Variants in SORCS2 observed in about 807,000 individuals in gnomAD.
SORCS2 encodes the protein VPS10 domain-containing receptor SorCS2.
SORCS2 carries 100 observed loss-of-function variants against 141.6 expected under a neutral mutation model. The observed-to-expected ratio is 0.71, with a 90% CI of 0.60 to 0.83. The LOEUF is 0.83. SORCS2 is among the 40% of genes least tolerant of loss of function. The probability of loss-of-function intolerance (pLI) is 0.00; values close to 1 mark genes in which losing one functional copy is unlikely to be tolerated. For missense variants in SORCS2, 1,646 were observed against 1,560.2 expected (o/e 1.05, Z -0.93); for synonymous variants, 789 against 676.9 (o/e 1.17, Z -2.57).
chr4:7,256,343 G>A (rs1469920240), intron 1 of SORCS2, among the ~76,000 whole-genome samples: 2 of 152,150 alleles, frequency 1.3e-5, no homozygotes, highest in Non-Finnish European at 2.9e-5. Flanking sequence ...TGTATTGTAG[G>A]GGGCTTTCCT....
chr4:7,598,046 G>A (rs1461103026), intron 3 of SORCS2, among the ~76,000 whole-genome samples: 2 of 148,098 alleles, frequency 1.4e-5, no homozygotes, highest in Non-Finnish European at 3.0e-5. Context: ...TTGGCTCACT[G>A]CAACCTCTGT....
intron 2 of SORCS2, among the ~76,000 whole-genome samples, chr4:7,473,854 G>T (rs758902116): frequency 2.0e-5 from 3 of 152,156 alleles, no homozygotes; most frequent in Non-Finnish European, 4.4e-5. Flanking sequence ...GCGGGGTCTG[G>T]GGGGAGAGGG....
intron 1 of SORCS2, among the ~76,000 whole-genome samples, chr4:7,228,251 T>C (rs1457584814): frequency 2.6e-5 from 4 of 151,852 alleles, no homozygotes; most frequent in Non-Finnish European, 4.4e-5. Context: ...ACCAGTCACG[T>C]TGGGTCAGGG....
intron 26 of SORCS2, among the ~76,000 whole-genome samples, chr4:7,737,918 G>C (rs1346891421): frequency 6.6e-6 from 1 of 152,196 alleles, no homozygotes; most frequent in Non-Finnish European, 1.5e-5. Flanking sequence ...CCCCTCACCT[G>C]GACCATCGAC....
chr4:7,725,067 G>A (rs1187985085), intron 19 of SORCS2, 87 bp from the exon 20 acceptor site: 2 of 1,426,448 alleles, frequency 1.4e-6, no homozygotes, highest in African/African-American at 3.0e-5. Flanking sequence ...TAGCAATGAA[G>A]TTGCTGGTGA....
At chr4:7,238,385 A>AT (rs916572295) in intron 1 of SORCS2, among the ~76,000 whole-genome samples, 1 of 151,988 alleles carries the variant, frequency 6.6e-6, no homozygotes, top group Non-Finnish European at 1.5e-5. Context: ...CTGTTGTTAA[A>AT]TTTTTTTTAA....
chr4:7,297,424 C>T (rs1351677687), intron 1 of SORCS2, among the ~76,000 whole-genome samples: 4 of 152,030 alleles, frequency 2.6e-5, no homozygotes, highest in African/African-American at 9.7e-5. Context: ...CCCCCACCCC[C>T]ACCCCAGGGA....
intron 2 of SORCS2, among the ~76,000 whole-genome samples, chr4:7,487,855 A>C (rs1484797020): frequency 6.6e-6 from 1 of 152,120 alleles, no homozygotes; most frequent in Non-Finnish European, 1.5e-5. Flanking sequence ...CACTGTGAAC[A>C]GTATTATTTC....
In SORCS2 at chr4:7,648,756, G is replaced by T. The variant is rs1721247980; in HGVS notation, c.814-5378G>T. Among the ~76,000 whole-genome samples the T allele has an allele frequency of 6.6e-6, 1 of 152,108 alleles. No homozygotes were observed. Among genetic ancestry groups the T allele is most frequent in the African/African-American group, 2.4e-5 (1 of 41,416 alleles). ...AAGAGAGGCTAGAAACCAGGGACAG[G>T]CACCAGGGCGGCCCCGGGGAGCAAT... On this transcript the variant is annotated intron_variant, in intron 4 of 26. Coordinates refer to ENST00000507866, the MANE Select transcript of SORCS2 (RefSeq NM_020777.3). This position sits in a 1 kb window ranked among gnomAD's most constrained non-coding sequence, Gnocchi z 4.2.
At chr4:7,649,114 G>A (rs1560455080) in intron 4 of SORCS2, among the ~76,000 whole-genome samples, 2 of 152,194 alleles carry the variant, frequency 1.3e-5, no homozygotes, top group Non-Finnish European at 2.9e-5. Context: ...CAGGGGCAGG[G>A]CCTCTGAGCC....
chr4:7,274,437 C>A (rs1715352987), intron 1 of SORCS2, among the ~76,000 whole-genome samples: 1 of 152,130 alleles, frequency 6.6e-6, no homozygotes, highest in Non-Finnish European at 1.5e-5. Context: ...TGATGCCGGG[C>A]ATCTGCTTGG....
Position 7,697,203 on chromosome 4 carries a change from C to A in SORCS2, c.1597C>A (p.Leu533Met). ...APGLIMGAGN[L>M]GSQLVEYKEE... ...CCCCTTTTCTTTTGGACCAGGTAAC[C>A]TGGGCTCACAGCTGGTGGAATATAA... Residue 533 changes from leucine to methionine, a missense_variant, in exon 12 of 27, where the codon CTG becomes ATG. Physicochemically the swap from Leu to Met is conservative, Grantham distance 15. Transcript: ENST00000507866. 1.9e-6 allele frequency: 3 copies of A among 1,581,064 alleles called. No homozygotes were observed. Among genetic ancestry groups the A allele is most frequent in the East Asian group, 2.3e-5 (1 of 43,442 alleles).
At chr4:7,357,590 GGTGATTTAACCT>G (rs1294590112) in intron 1 of SORCS2, among the ~76,000 whole-genome samples, 1 of 152,220 alleles carries the variant, frequency 6.6e-6, no homozygotes, top group Non-Finnish European at 1.5e-5. Flanking sequence ...GCCCTTTCAA[GGTGATTTAACCT>G]GTCAGAGGCC....
chr4:7,517,698 G>T (rs192969704), intron 2 of SORCS2, among the ~76,000 whole-genome samples: 1 of 152,172 alleles, frequency 6.6e-6, no homozygotes, highest in Non-Finnish European at 1.5e-5. Flanking sequence ...TTAAAAAGCT[G>T]CATGGAGGCT....
intron 4 of SORCS2, among the ~76,000 whole-genome samples, chr4:7,644,583 G>A (rs1339632381): frequency 6.6e-6 from 1 of 152,208 alleles, no homozygotes; most frequent in East Asian, 1.9e-4. Flanking sequence ...GCACCCTGGA[G>A]TGAGGGATGA....
intron 2 of SORCS2, among the ~76,000 whole-genome samples, chr4:7,460,427 C>A (rs1410243187): frequency 6.6e-6 from 1 of 152,240 alleles, no homozygotes; most frequent in African/African-American, 2.4e-5. Flanking sequence ...AGCTTCAGAA[C>A]AGCTCGGTGG....
chr4:7,453,814 T>C (rs1349580697), intron 2 of SORCS2, among the ~76,000 whole-genome samples: 1 of 98,636 alleles, frequency 1.0e-5, no homozygotes. Flanking sequence ...TAGGGTCAGG[T>C]GCTGTGTTGG....
At chr4:7,512,246 G>T (rs981644723) in intron 2 of SORCS2, among the ~76,000 whole-genome samples, 6 of 151,974 alleles carry the variant, frequency 3.9e-5, no homozygotes, top group Non-Finnish European at 8.8e-5. Flanking sequence ...CATCTCTGTG[G>T]CCGCATCTCG....
chr4:7,665,901 G>A (rs541336762), intron 7 of SORCS2, among the ~76,000 whole-genome samples: 2 of 152,298 alleles, frequency 1.3e-5, no homozygotes, highest in East Asian at 3.9e-4. Context: ...CGAGCAGGCT[G>A]GGTTATCACT....
Sources: allele counts gnomAD v4.1 joint callset (sites outside exome capture counted in the v4.1 genomes callset), GRCh38; gene constraint gnomAD v4.1.1; non-coding constraint Gnocchi (gnomAD v3.1); transcripts MANE v1.5; gene names NCBI Gene and HGNC (gene_info 2026-07-23, HGNC 2026-07-21).